The following LRRC53 variants were observed in gnomAD, a reference collection of about 807,000 sequenced individuals.
LRRC53 encodes leucine rich repeat containing 53.
Under a neutral mutation model 13.6 loss-of-function variants are expected in LRRC53, and 25 were observed. That is an observed-to-expected ratio of 1.83 (90% confidence interval 1.34 to 2.56). LRRC53 has a LOEUF of 2.56. Ranked by LOEUF, LRRC53 falls within the 30% of genes most tolerant of loss-of-function variation. The pLI is 0.00. For synonymous variants in LRRC53, 204 were observed against 109.8 expected (o/e 1.86, Z -5.37); for missense variants, 527 against 275.8 (o/e 1.91, Z -6.45).
At chr1:74,473,150 G>A (rs948173925) in intron 4 of LRRC53, among the ~76,000 whole-genome samples, 4 of 152,064 alleles carry the variant, frequency 2.6e-5, no homozygotes, top group Non-Finnish European at 4.4e-5. Flanking sequence ...TAAGAGCTAG[G>A]CATTGTGCTC....
At chr1:74,485,896 G>T (rs148820085) in intron 1 of LRRC53, among the ~76,000 whole-genome samples, 6 of 152,202 alleles carry the variant, frequency 3.9e-5, no homozygotes, top group East Asian at 1.9e-4. Context: ...CAACCAATGC[G>T]CTTAAAAGAG....
the LRRC53 span, among the ~76,000 whole-genome samples, chr1:74,532,722 G>C: frequency 6.7e-6 from 1 of 150,050 alleles, no homozygotes; most frequent in Non-Finnish European, 1.5e-5. Context: ...CAGAGATATA[G>C]ATCAATGGAA....
intron 1 of LRRC53, among the ~76,000 whole-genome samples, chr1:74,491,466 T>C (rs1669072950): frequency 6.6e-6 from 1 of 152,084 alleles, no homozygotes; most frequent in Non-Finnish European, 1.5e-5. Flanking sequence ...GGTGTCGATC[T>C]CTTGACCTCA....
chr1:74,536,508 C>T, the LRRC53 span, among the ~76,000 whole-genome samples: 13 of 152,174 alleles, frequency 8.5e-5, no homozygotes, highest in East Asian at 1.2e-3. Flanking sequence ...TTTATAAAAA[C>T]GGTGACTGAT....
chr1:74,492,159 C>G, intron 1 of LRRC53: 3 of 1,612,998 alleles, frequency 1.9e-6, no homozygotes, highest in Non-Finnish European at 2.5e-6. Context: ...CTTCTGATTG[C>G]CTGGTGAACC....
chr1:74,501,927 A>G (rs901089539), intron 1 of LRRC53, among the ~76,000 whole-genome samples: 7 of 152,178 alleles, frequency 4.6e-5, no homozygotes, highest in Non-Finnish European at 1.5e-5. Context: ...AGCCAGGAAT[A>G]ATGTAAGATA....
Position 74,471,809 on chromosome 1 carries a change from G to A in LRRC53, c.1813C>T (p.Gln605Ter). Residue 605 changes from glutamine to a stop codon, truncating the protein, a stop_gained, in exon 5 of 5, where the codon CAA becomes TAA. Coordinates refer to ENST00000294635, the MANE Select transcript of LRRC53 (RefSeq NM_001382280.1). LOFTEE classifies it low-confidence loss of function (END_TRUNC). ...QHSKPEKEQI[Q>*]INSAIEKFLM... is the part of the protein sequence containing the mutation. Reference sequence around the variant, plus strand: ...AATTTTTCTATTGCACTGTTAATTTGGATTTGCTCTTTCTCAGGCTTTGAG... The same window carrying A: ...AATTTTTCTATTGCACTGTTAATTTAGATTTGCTCTTTCTCAGGCTTTGAG... 1 of 431,170 alleles carries A rather than the reference G, an allele frequency of 2.3e-6. No homozygotes were observed. Among genetic ancestry groups the A allele is most frequent in the Non-Finnish European group, 4.1e-6 (1 of 244,558 alleles). 26.7% of individuals were successfully genotyped at this position (431,170 alleles called of 1,614,324 possible).
chr1:74,504,968 G>T (rs772954082), intron 1 of LRRC53, among the ~76,000 whole-genome samples: 2 of 152,130 alleles, frequency 1.3e-5, no homozygotes, highest in Non-Finnish European at 2.9e-5. Context: ...CTAAATAAAT[G>T]GTGACAGATT....
chr1:74,522,603 T>C, the LRRC53 span, among the ~76,000 whole-genome samples: 2 of 151,936 alleles, frequency 1.3e-5, no homozygotes, highest in African/African-American at 4.8e-5. Flanking sequence ...ATTCCCAAAA[T>C]GTAAGTAGCT....
At chr1:74,509,299 A>G (rs1340054088) in intron 1 of LRRC53, among the ~76,000 whole-genome samples, 1 of 152,218 alleles carries the variant, frequency 6.6e-6, no homozygotes, top group East Asian at 1.9e-4. Flanking sequence ...GCTATTTATG[A>G]CAATGACAGA....
At chr1:74,516,096 C>A (rs1646343836), upstream of LRRC53, among the ~76,000 whole-genome samples, 1 of 152,168 alleles carries the variant, frequency 6.6e-6, no homozygotes, top group African/African-American at 2.4e-5. Context: ...TGGAACTAGG[C>A]TGAGAATGTA....
At chr1:74,519,499 A>G in the LRRC53 span, among the ~76,000 whole-genome samples, 1 of 125,572 alleles carries the variant, frequency 8.0e-6, no homozygotes, top group Admixed American at 7.3e-5. Context: ...AGTCCCACCA[A>G]CAGTGTAAAA....
intron 1 of LRRC53, among the ~76,000 whole-genome samples, chr1:74,510,061 G>C (rs1307880786): frequency 6.6e-6 from 1 of 152,000 alleles, no homozygotes; most frequent in Non-Finnish European, 1.5e-5. Flanking sequence ...ATTTTCTATT[G>C]CTTGTGTATT....
chr1:74,474,436 T>C (rs1235317645), intron 4 of LRRC53, among the ~76,000 whole-genome samples: 1 of 152,054 alleles, frequency 6.6e-6, no homozygotes, highest in African/African-American at 2.4e-5. Flanking sequence ...AAATAACATA[T>C]GGTTTTATTC....
upstream of LRRC53, among the ~76,000 whole-genome samples, chr1:74,515,375 C>T (rs1344449204): frequency 2.0e-5 from 3 of 152,146 alleles, no homozygotes; most frequent in African/African-American, 2.4e-5. Flanking sequence ...CAGTATGAGA[C>T]TTGAAAGACA....
chr1:74,511,288 G>A (rs1475810849), intron 1 of LRRC53, among the ~76,000 whole-genome samples: 1 of 152,048 alleles, frequency 6.6e-6, no homozygotes, highest in Non-Finnish European at 1.5e-5. Flanking sequence ...TGCCTCCCGG[G>A]TTCAAGCAAT....
the LRRC53 span, among the ~76,000 whole-genome samples, chr1:74,519,710 A>G: frequency 3.3e-5 from 5 of 152,366 alleles, no homozygotes; most frequent in South Asian, 1.0e-3. Flanking sequence ...TATCTTTAAA[A>G]GAAAATTACA....
the LRRC53 span, among the ~76,000 whole-genome samples, chr1:74,525,852 C>G: frequency 6.6e-6 from 1 of 152,154 alleles, no homozygotes. Context: ...CACAGCACAT[C>G]ACACCAGAGT....
intron 1 of LRRC53, among the ~76,000 whole-genome samples, chr1:74,506,930 TATC>T (rs1382561705): frequency 1.3e-5 from 2 of 152,216 alleles, no homozygotes; most frequent in African/African-American, 2.4e-5. Flanking sequence ...TTCTACTTGG[TATC>T]ATGTCTCTGT....
Sources: allele counts gnomAD v4.1 joint callset (sites outside exome capture counted in the v4.1 genomes callset), GRCh38; gene constraint gnomAD v4.1.1; transcripts MANE v1.5; gene names NCBI Gene and HGNC (gene_info 2026-07-23, HGNC 2026-07-21).